The following KBTBD3 variants were observed in gnomAD, a reference collection of about 807,000 sequenced individuals.
The protein encoded by KBTBD3 is kelch repeat and BTB domain-containing protein 3.
A neutral mutation model predicts 49.6 loss-of-function variants in KBTBD3; 38 were observed. That is an observed-to-expected ratio of 0.77 (90% CI 0.59 to 1.00). The LOEUF is 1.00. Ranked by LOEUF, KBTBD3 falls within the 50% of genes least tolerant of loss-of-function variation. The probability of loss-of-function intolerance (pLI) is 0.00; values close to 1 mark genes in which losing one functional copy is unlikely to be tolerated. For missense variants in KBTBD3, 661 were observed against 712.0 expected (o/e 0.93, Z 0.81); for synonymous variants, 214 against 250.4 (o/e 0.85, Z 1.37).
At position 106,071,045 on chromosome 11, in the gene KBTBD3, A is replaced by G. The variant is rs550954051; in HGVS notation, c.-13+5462T>C. Among the ~76,000 whole-genome samples, 9 of 152,292 alleles carry G rather than the reference A, an allele frequency of 5.9e-5. No individual in the cohort carries two copies. The South Asian group carries it at 1.9e-3, about 32-fold the overall frequency. On this transcript the variant is annotated intron_variant, in intron 2 of 3. Transcript: ENST00000531837. ...TATGGGGAAACAGGGTGAAGGGTAC[A>G]TGGAAACTCTATCTTTACAACTTCT...
At chr11:106,056,169 T>C (rs1413369312) in intron 3 of KBTBD3, among the ~76,000 whole-genome samples, 2 of 152,208 alleles carry the variant, frequency 1.3e-5, no homozygotes, top group Non-Finnish European at 2.9e-5. Context: ...ATATTGTGAA[T>C]TAGCAGCATT....
At chr11:106,058,507 T>C (rs1214820741) in intron 3 of KBTBD3, among the ~76,000 whole-genome samples, 1 of 151,962 alleles carries the variant, frequency 6.6e-6, no homozygotes, top group Non-Finnish European at 1.5e-5. Context: ...TCACCCAACC[T>C]CAGCCTCCTG....
chr11:106,073,645 A>G (rs1041847397), intron 2 of KBTBD3, among the ~76,000 whole-genome samples: 1 of 152,204 alleles, frequency 6.6e-6, no homozygotes, highest in Non-Finnish European at 1.5e-5. Flanking sequence ...GAATTGAATG[A>G]TAAGAAGGTA....
chr11:106,074,400 G>A (rs1353238548), intron 2 of KBTBD3, among the ~76,000 whole-genome samples: 1 of 152,132 alleles, frequency 6.6e-6, no homozygotes, highest in Non-Finnish European at 1.5e-5. Context: ...AACTGCCCTT[G>A]TCAATGTCAC....
chr11:106,059,048 C>G lies in KBTBD3; in HGVS notation c.50G>C (p.Cys17Ser), dbSNP rs1448916664. Residue 17 changes from cysteine (C) to serine (S), a missense_variant, in exon 3 of 4, where the codon TGT becomes TCT. By Grantham distance (112) the Cys-to-Ser change is moderately radical (BLOSUM62 -1). Transcript: ENST00000531837. ...NSYAFNQRST[C>S]NGIPSEKKNN... Reference sequence around the variant, plus strand: ...TTTCTTCTCAGATGGAATTCCATTACATGTGCTTCGTTGATTGAAAGCATA... The same window carrying G: ...TTTCTTCTCAGATGGAATTCCATTAGATGTGCTTCGTTGATTGAAAGCATA... 2 of 1,555,152 alleles carry G rather than the reference C, an allele frequency of 1.3e-6. No individual in the cohort carries two copies. The highest frequency in any genetic ancestry group is 2.8e-5 in the African/African-American group (2 of 70,556).
chr11:106,071,940 C>A (rs1375839099), intron 2 of KBTBD3, among the ~76,000 whole-genome samples: 1 of 152,114 alleles, frequency 6.6e-6, no homozygotes, highest in Non-Finnish European at 1.5e-5. Context: ...ATTCTCAATT[C>A]TTGGCAAAAG....
Position 106,051,157 on chromosome 11 carries a change from A to G in KBTBD3, c.*1693T>C, listed in dbSNP as rs898064211. The G allele has an allele frequency of 6.6e-6, 1 of 151,964 alleles. No individual in the cohort carries two copies. Among genetic ancestry groups the G allele is most frequent in the African/African-American group, 2.4e-5 (1 of 41,428 alleles). The allele number at this position is 151,964 out of a possible 1,614,324, so 9.4% of individuals were successfully genotyped here. On this transcript the variant is annotated 3_prime_UTR_variant, in exon 4 of 4. Coordinates refer to ENST00000531837, the MANE Select transcript of KBTBD3 (RefSeq NM_198439.3). ...TCTATTAATATATATCCTTAAATTA[A>G]CAATTCAGTAAATGCACATATAGGC...
At chr11:106,058,360 G>A (rs562064470) in intron 3 of KBTBD3, among the ~76,000 whole-genome samples, 14 of 148,758 alleles carry the variant, frequency 9.4e-5, no homozygotes, top group African/African-American at 2.0e-4. Flanking sequence ...CAGCCTGGGC[G>A]ACAGAGCGAG....
chr11:106,058,080 A>C, intron 3 of KBTBD3: 1 of 398,002 alleles, frequency 2.5e-6, no homozygotes, highest in South Asian at 1.3e-4. Flanking sequence ...GTAGTCTTAA[A>C]TTCTCTCCTA....
intron 2 of KBTBD3, among the ~76,000 whole-genome samples, chr11:106,064,622 G>A (rs1860770273): frequency 1.3e-5 from 2 of 152,154 alleles, no homozygotes; most frequent in Non-Finnish European, 2.9e-5. Context: ...CAGATAAACA[G>A]ACAATATGAT....
At chr11:106,072,366 T>C (rs961593911) in intron 2 of KBTBD3, among the ~76,000 whole-genome samples, 4 of 152,102 alleles carry the variant, frequency 2.6e-5, no homozygotes, top group Admixed American at 2.0e-4. Flanking sequence ...TGTTATATGA[T>C]TTTTTTAAAA....
At chr11:106,072,032 C>T (rs1212084474) in intron 2 of KBTBD3, among the ~76,000 whole-genome samples, 1 of 152,066 alleles carries the variant, frequency 6.6e-6, no homozygotes, top group Non-Finnish European at 1.5e-5. Context: ...CAAATTTTTT[C>T]ACACTTATCT....
At chr11:106,073,899 T>C (rs1860972406) in intron 2 of KBTBD3, among the ~76,000 whole-genome samples, 1 of 152,212 alleles carries the variant, frequency 6.6e-6, no homozygotes, top group African/African-American at 2.4e-5. Flanking sequence ...ATGACATCAT[T>C]TTTTTAAAAA....
intron 2 of KBTBD3, among the ~76,000 whole-genome samples, chr11:106,067,714 GA>G (rs1174050077): frequency 1.3e-5 from 2 of 151,656 alleles, no homozygotes; most frequent in African/African-American, 2.4e-5. Context: ...GAGACAGACA[GA>G]AAAAACAGAA....
rs1183536279 is a variant in KBTBD3, at chr11:106,054,407, G to A, written c.282C>T (p.Thr94=). The A allele has an allele frequency of 3.1e-6, 5 of 1,589,250 alleles. No homozygotes were observed. Among genetic ancestry groups the A allele is most frequent in the South Asian group, 1.2e-5 (1 of 86,700 alleles). The change falls in exon 4 of 4, where the codon ACC becomes ACT. Residue 94 remains threonine (T), a synonymous_variant. Coordinates refer to ENST00000531837, the MANE Select transcript of KBTBD3 (RefSeq NM_198439.3). ...CTGCCTTGGAGGACAAATTAGTAAT[G>A]GTAACACTTCCATCATCTCTTTCTT... is the stretch of plus-strand genomic sequence containing the variant. The part of the protein sequence containing the change: ...NMKERDDGSV[T]ITNLSSKAVK...
At chr11:106,063,717 G>A (rs999670341) in intron 2 of KBTBD3, among the ~76,000 whole-genome samples, 1 of 151,890 alleles carries the variant, frequency 6.6e-6, no homozygotes, top group Non-Finnish European at 1.5e-5. Flanking sequence ...CAGATCACAT[G>A]GTCAAGAGAT....
At chr11:106,059,625 T>C (rs1224223371) in intron 2 of KBTBD3, among the ~76,000 whole-genome samples, 1 of 152,214 alleles carries the variant, frequency 6.6e-6, no homozygotes, top group Non-Finnish European at 1.5e-5. Context: ...TTGCATTAAT[T>C]AGTTATGGCT....
chr11:106,053,467 T>C lies in KBTBD3; in HGVS notation c.1222A>G (p.Ile408Val). ...CGGGATCCTCTAGTTTTTCCACCTA[T>C]GACAAATAATCTATCGAGAGCCATA... is the stretch of plus-strand genomic sequence containing the variant. ...SVMALDRLFV[I>V]GGKTRGSRDI... The change falls in exon 4 of 4, where the codon ATA (isoleucine) becomes GTA (valine). Residue 408 changes from isoleucine (I) to valine (V), a missense_variant. Transcript: ENST00000531837. 1.2e-6 allele frequency: 2 copies of C among 1,613,762 alleles called. No homozygotes were observed. Among genetic ancestry groups the C allele is most frequent in the Non-Finnish European group, 1.7e-6 (2 of 1,179,866 alleles).
chr11:106,054,524 T>G, intron 3 of KBTBD3, 69 bp from the exon 4 acceptor site: 1 of 1,236,442 alleles, frequency 8.1e-7, no homozygotes, highest in South Asian at 2.5e-5. Context: ...AATATTACCT[T>G]AAAGAGGTTT....
Sources: gnomAD v4.1 joint callset for allele counts (sites outside exome capture counted in the v4.1 genomes callset) on GRCh38, gnomAD v4.1.1 for gene constraint, MANE v1.5 for transcripts, NCBI Gene and HGNC (gene_info 2026-07-23, HGNC 2026-07-21) for gene names.